Variants in ZNF142 observed in about 807,000 individuals in gnomAD.
ZNF142 encodes zinc finger protein 142, also known as zinc finger protein 142 (clone pHZ-49).
A neutral mutation model predicts 132.1 loss-of-function variants in ZNF142; 96 were observed. The observed-to-expected ratio is 0.73, with a 90% confidence interval of 0.62 to 0.86. The LOEUF is 0.86. Among genes scored for constraint, ZNF142 ranks in the 40% least tolerant of loss-of-function variants. ZNF142 has a pLI of 0.00. For missense variants in ZNF142, 2,163 were observed against 2,336.2 expected, an observed-to-expected ratio of 0.93 and a Z score of 1.53; for synonymous variants, 842 against 890.1, an observed-to-expected ratio of 0.95 and a Z score of 0.96.
At chr2:218,645,162 G>C (rs376367460) in intron 8 of ZNF142, 98 bp from the exon 9 acceptor site, 5 of 1,450,430 alleles carry the variant, frequency 3.4e-6, no homozygotes, top group East Asian at 2.3e-5. Context: ...TCTGCACTCA[G>C]TATCATACAT....
rs753246596 is a variant in ZNF142 at position 218,642,537 on chromosome 2, G to A, written c.4579C>T (p.Pro1527Ser). 8 of 1,611,448 alleles carry A rather than the reference G, an allele frequency of 5.0e-6. No individual in the cohort carries two copies. The Admixed American group carries it at 6.7e-5, about 13-fold the overall frequency. Residue 1527 changes from proline to serine, a missense_variant, in exon 9 of 11, where the codon CCC becomes TCC. Physicochemically the swap from Pro to Ser is moderately conservative, Grantham distance 74. This residue lies in a region of ZNF142 where 809 missense variants were observed against 801.7 expected (regional missense o/e 1.01). Coordinates refer to ENST00000411696, the MANE Select transcript of ZNF142 (RefSeq NM_001379659.1). The surrounding 1 kb of genome is among the most constrained non-coding windows in gnomAD (Gnocchi z 4.6). ...AACCCACAGCGGGAACAGTGCAGGG[G>A]GCCCTCAGTGGTCTCTGCAGGAGAG... Reference protein sequence around the residue: ...PGSPAETTEGPLHCSRCGLLC... With the variant: ...PGSPAETTEGSLHCSRCGLLC...
chr2:218,640,610 G>C, intron 10 of ZNF142, 54 bp downstream of exon 10: 1 of 1,549,582 alleles, frequency 6.5e-7, no homozygotes, highest in South Asian at 1.1e-5. Flanking sequence ...GTAAGGTTAG[G>C]TTTGCCAGGG....
intron 7 of ZNF142, among the ~76,000 whole-genome samples, chr2:218,647,422 C>CAAAAAAAAAAAAAAAA (rs35920609): frequency 0.02 from 790 of 38,594 alleles, 277 homozygotes; most frequent in South Asian, 0.03. Context: ...GACTCCATCT[C>CAAAAAAAAAAAAAAAA]AAAAAAAAAA....
chr2:218,645,944 T>G (rs1037476370), intron 8 of ZNF142, among the ~76,000 whole-genome samples: 2 of 152,124 alleles, frequency 1.3e-5, no homozygotes, highest in African/African-American at 2.4e-5. Flanking sequence ...GTAGTTTTAG[T>G]AGAGATGGGG....
At position 218,634,378 on chromosome 2, in the gene ZNF142, C is replaced by G. The variant is rs1215378858; in HGVS notation, c.*3961G>C. 6 of 1,574,806 alleles carry G rather than the reference C, an allele frequency of 3.8e-6. No homozygotes were observed. The highest frequency in any genetic ancestry group is 5.2e-6 in the Non-Finnish European group (6 of 1,158,670). On this transcript the variant is annotated 3_prime_UTR_variant, in exon 11 of 11. Transcript: ENST00000411696. The surrounding 1 kb of genome is among the most constrained non-coding windows in gnomAD (Gnocchi z 4.0). Reference sequence around the variant, plus strand: ...CCAGCAGGTACCGTGCACCCAGTACCTATCTTCTTAACTCCCTGAAAGAGG... The same window carrying G: ...CCAGCAGGTACCGTGCACCCAGTACGTATCTTCTTAACTCCCTGAAAGAGG...
rs1479386727 is a variant in ZNF142, at chr2:218,643,384, G to A, written c.3732C>T (p.His1244=). 8 of 1,614,194 alleles carry A rather than the reference G, an allele frequency of 5.0e-6. No individual in the cohort carries two copies. Among genetic ancestry groups the A allele is most frequent in the East Asian group, 2.2e-5 (1 of 44,884 alleles). Residue 1244 remains histidine (H), a synonymous_variant, in exon 9 of 11, where the codon CAC becomes CAT. Coordinates refer to ENST00000411696, the MANE Select transcript of ZNF142 (RefSeq NM_001379659.1). ...LCSRLSSITS[H]VAEGCRGGRG... ...GTCCCCCCCTGCAGCCTTCAGCCAC[G>A]TGAGAGGTAATAGAGGAGAGCCGGG...
In ZNF142 at chr2:218,637,064, C is replaced by T. The variant is rs1696806540; in HGVS notation, c.*1275G>A. ...CCCCAGCAAAGATTAGGGAAAGAGA[C>T]TTGACCCCAGGACTGTACTACGACT... On this transcript the variant is annotated 3_prime_UTR_variant, in exon 11 of 11. Coordinates refer to ENST00000411696, the MANE Select transcript of ZNF142 (RefSeq NM_001379659.1). 5 of 389,700 alleles carry T rather than the reference C, an allele frequency of 1.3e-5. No individual in the cohort carries two copies. Among genetic ancestry groups the T allele is most frequent in the Admixed American group, 6.3e-5 (2 of 31,674 alleles). 24.1% of individuals were successfully genotyped at this position (389,700 alleles called of 1,614,324 possible).
At chr2:218,639,728 T>A (rs1697006161) in intron 10 of ZNF142, among the ~76,000 whole-genome samples, 2 of 87,796 alleles carry the variant, frequency 2.3e-5, no homozygotes, top group Non-Finnish European at 2.2e-5. Flanking sequence ...CAAGACCCTG[T>A]CACTGAAAAA....
chr2:218,650,791 T>C (rs767953487), intron 5 of ZNF142, among the ~76,000 whole-genome samples: 8 of 152,204 alleles, frequency 5.3e-5, no homozygotes, highest in Admixed American at 6.5e-5. Flanking sequence ...AGCGAGGTCA[T>C]TGAGGTCATA....
chr2:218,651,466 G>A (rs544053279), intron 5 of ZNF142, among the ~76,000 whole-genome samples: 40 of 152,320 alleles, frequency 2.6e-4, no homozygotes, highest in Middle Eastern at 3.4e-3. Context: ...CAGGCCACAC[G>A]TAGCCTAAGC....
chr2:218,636,217 TTA>T lies in ZNF142; in HGVS notation c.*2120_*2121del. ...TCAAGAAAACTGTCATAATGTCTTC[TTA>T]TTTCTTTCTGTCCACCAACTCAGGT... On this transcript the variant is annotated 3_prime_UTR_variant, in exon 11 of 11. Transcript: ENST00000411696. 3 of 1,606,010 alleles carry T rather than the reference TTA, an allele frequency of 1.9e-6. No homozygotes were observed. Among genetic ancestry groups the T allele is most frequent in the Non-Finnish European group, 2.6e-6 (3 of 1,172,690 alleles).
At chr2:218,639,897 A>G (rs1329016156) in intron 10 of ZNF142, among the ~76,000 whole-genome samples, 1 of 149,342 alleles carries the variant, frequency 6.7e-6, no homozygotes, top group East Asian at 2.0e-4. Context: ...TCTACTAAAA[A>G]TACAAAAACT....
Position 218,656,440 on chromosome 2 carries a change from TTG to T in ZNF142, c.-13_-12del. On this transcript the variant is annotated 5_prime_UTR_variant, in exon 4 of 11. Transcript: ENST00000411696. The stretch of plus-strand genomic sequence containing the variant: ...AAGGGGGTCTGTCATCACCACCGAC[TTG>T]TGTGTTTTGGCTTCTTAAATGCTGA... 7.1e-7 allele frequency: 1 copy of T among 1,406,530 alleles called. No individual in the cohort carries two copies. The highest frequency in any genetic ancestry group is 9.3e-7 in the Non-Finnish European group (1 of 1,071,454). 87.1% of individuals were successfully genotyped at this position (1,406,530 alleles called of 1,614,324 possible). A position where few individuals can be genotyped will look rare whatever the true frequency, so the allele number is the denominator to read the frequency against.
chr2:218,646,401 A>C, intron 7 of ZNF142, 53 bp from the exon 8 acceptor site: 1 of 1,590,094 alleles, frequency 6.3e-7, no homozygotes, highest in Non-Finnish European at 8.6e-7. Context: ...ATACAGATCA[A>C]GTGGACAGAC....
In ZNF142 at chr2:218,635,089, T is replaced by TCC. The variant is rs989274167; in HGVS notation, c.*3248_*3249dup. Among the ~76,000 whole-genome samples the TCC allele has an allele frequency of 4.6e-5, 7 of 151,542 alleles. No individual in the cohort carries two copies. Among genetic ancestry groups the TCC allele is most frequent in the African/African-American group, 1.7e-4 (7 of 41,228 alleles). The stretch of plus-strand genomic sequence containing the variant: ...AAAAATTTAAAAATTTTGTAGAGAC[T>TCC]CCCGTCTCTACAAAAAATTTAAAAA... On this transcript the variant is annotated 3_prime_UTR_variant, in exon 11 of 11. Transcript: ENST00000411696.
chr2:218,648,649 A>C lies in ZNF142; in HGVS notation c.1859T>G (p.Met620Arg), dbSNP rs761074718. 11 of 1,613,314 alleles carry C rather than the reference A, an allele frequency of 6.8e-6. No individual in the cohort carries two copies. The highest frequency in any genetic ancestry group is 8.5e-6 in the Non-Finnish European group (10 of 1,179,212). Residue 620 changes from methionine to arginine, a missense_variant, in exon 7 of 11, where the codon ATG (methionine) becomes AGG (arginine). Physicochemically the swap from Met to Arg is moderately conservative, Grantham distance 91. Around this residue, in one of 7 missense-constraint regions of ZNF142, gnomAD observed 749 missense variants for 830.3 expected, o/e 0.90. Transcript: ENST00000411696. Reference sequence around the variant, plus strand: ...AACCATCCTACCCGTATGTAGAAGCATGTGTCGGATGAGCACCCTCTTGTG... The same window carrying C: ...AACCATCCTACCCGTATGTAGAAGCCTGTGTCGGATGAGCACCCTCTTGTG... ...TAHKRVLIRHMLLHTGEKPHK... is the reference protein window; with the variant it reads ...TAHKRVLIRHRLLHTGEKPHK...
rs747862679 is a variant in ZNF142 at position 218,643,425 on chromosome 2, A to G, written c.3691T>C (p.Cys1231Arg). ...GAGAGCCGGGAACAAAGGAATGGGC[A>G]GGAGTTGCAGTGAAACTTGCCCTGC... ...FEQGKFHCNS[C>R]PFLCSRLSSI... is the part of the protein sequence containing the mutation. Residue 1231 changes from cysteine (C) to arginine (R), a missense_variant, in exon 9 of 11, where the codon TGC (cysteine) becomes CGC (arginine). Around this residue, in one of 7 missense-constraint regions of ZNF142, gnomAD observed 809 missense variants for 801.7 expected, o/e 1.01. Transcript: ENST00000411696. 5.6e-6 allele frequency: 9 copies of G among 1,614,248 alleles called. No homozygotes were observed. The South Asian group carries it at 7.7e-5, about 14-fold the overall frequency.
Position 218,649,415 on chromosome 2 carries a change from A to G in ZNF142, c.1093T>C (p.Cys365Arg), listed in dbSNP as rs375859225. Residue 365 changes from cysteine to arginine, a missense_variant, in exon 7 of 11, where the codon TGT (cysteine) becomes CGT (arginine). Physicochemically the swap from Cys to Arg is radical, Grantham distance 180. Transcript: ENST00000411696. ...TTAAAGCAGCGCTTACACTCTGGAC[A>G]CATATGGGTCTTGAAGAGGGACTCG... ...GTESLFKTHM[C>R]PECKRCFKKR... 3.7e-6 allele frequency: 6 copies of G among 1,612,138 alleles called. No individual in the cohort carries two copies. Among genetic ancestry groups the G allele is most frequent in the South Asian group, 2.2e-5 (2 of 90,766 alleles).
At position 218,634,009 on chromosome 2, in the gene ZNF142, G is replaced by T; in HGVS notation, c.*4330C>A. ...AAACTTTCTGGAGCCAGCTTCAGAT[G>T]CTGGAGAGAAGGGTGAAGAGTAGGC... On this transcript the variant is annotated 3_prime_UTR_variant, in exon 11 of 11. Coordinates refer to ENST00000411696, the MANE Select transcript of ZNF142 (RefSeq NM_001379659.1). The surrounding 1 kb of genome is among the most constrained non-coding windows in gnomAD (Gnocchi z 4.0). 1 of 1,480,748 alleles carries T rather than the reference G, an allele frequency of 6.8e-7. No homozygotes were observed. The allele number at this position is 1,480,748 out of a possible 1,614,324, so 91.7% of individuals were successfully genotyped here. A position where few individuals can be genotyped will look rare whatever the true frequency, so the allele number is the denominator to read the frequency against.
Sources: gnomAD v4.1 joint callset for allele counts (sites outside exome capture counted in the v4.1 genomes callset) on GRCh38, gnomAD v4.1.1 for gene constraint, gnomAD v4.1.1 regional missense constraint, Gnocchi (gnomAD v3.1) non-coding constraint, MANE v1.5 for transcripts, NCBI Gene and HGNC (gene_info 2026-07-23, HGNC 2026-07-21) for gene names.